Variants in SLC22A14 observed in about 807,000 individuals in gnomAD.
The protein encoded by SLC22A14 is solute carrier family 22 member 14.
Under a neutral mutation model 53.9 loss-of-function variants are expected in SLC22A14, and 50 were observed. That is an observed-to-expected ratio of 0.93 (90% CI 0.74 to 1.17). SLC22A14 has a LOEUF of 1.17. Among genes scored for constraint, SLC22A14 ranks in the 50% most tolerant of loss-of-function variants. The pLI, the probability that SLC22A14 is intolerant of heterozygous loss-of-function variation, is 0.00. For missense variants in SLC22A14, 671 were observed against 734.7 expected (o/e 0.91, Z 1.00); for synonymous variants, 312 against 303.0 (o/e 1.03, Z -0.31).
intron 1 of SLC22A14, among the ~76,000 whole-genome samples, chr3:38,303,488 T>TGTGA (rs1704217842): frequency 6.6e-6 from 1 of 152,078 alleles, no homozygotes. Flanking sequence ...CTTCTTTAAC[T>TGTGA]TGTATTCACA....
chr3:38,281,631 A>C (rs1302480456), upstream of SLC22A14, among the ~76,000 whole-genome samples: 2 of 152,230 alleles, frequency 1.3e-5, no homozygotes, highest in African/African-American at 4.8e-5. Flanking sequence ...TTAACAGATT[A>C]CACTCATGAC....
At chr3:38,289,685 C>T (rs577113495) in intron 1 of SLC22A14, among the ~76,000 whole-genome samples, 20 of 152,172 alleles carry the variant, frequency 1.3e-4, no homozygotes, top group Non-Finnish European at 2.8e-4. Flanking sequence ...GCCTTTAGCC[C>T]GATCCGGAGT....
At chr3:38,308,585 G>GA (rs1704379779) in intron 4 of SLC22A14, among the ~76,000 whole-genome samples, 1 of 152,240 alleles carries the variant, frequency 6.6e-6, no homozygotes, top group Non-Finnish European at 1.5e-5. Flanking sequence ...GCCAAAGCAC[G>GA]AATACACTCA....
At chr3:38,295,710 G>A (rs188392118) in intron 1 of SLC22A14, among the ~76,000 whole-genome samples, 45 of 149,746 alleles carry the variant, frequency 3.0e-4, no homozygotes, top group African/African-American at 4.7e-4. Context: ...TGACTCCCTC[G>A]TTGTCTCTCT....
intron 9 of SLC22A14, 54 bp from the exon 10 acceptor site, chr3:38,316,270 C>A: frequency 3.3e-6 from 5 of 1,530,950 alleles, no homozygotes; most frequent in Non-Finnish European, 4.5e-6. Flanking sequence ...GCTGGCCCTG[C>A]CCAGCCTCTG....
intron 8 of SLC22A14, 59 bp from the exon 9 acceptor site, chr3:38,315,499 A>G: frequency 6.5e-7 from 1 of 1,541,476 alleles, no homozygotes; most frequent in South Asian, 1.2e-5. Context: ...GGCTGTTCAG[A>G]TGCCTTCTGG....
intron 1 of SLC22A14, among the ~76,000 whole-genome samples, chr3:38,289,523 G>T (rs1455891025): frequency 6.6e-6 from 1 of 152,158 alleles, no homozygotes; most frequent in African/African-American, 2.4e-5. Flanking sequence ...TTGGCCTCAA[G>T]GATTCTAAGG....
intron 1 of SLC22A14, among the ~76,000 whole-genome samples, chr3:38,300,596 C>T (rs1434316223): frequency 6.6e-6 from 1 of 152,184 alleles, no homozygotes; most frequent in East Asian, 1.9e-4. Flanking sequence ...GAAGCCCTTA[C>T]TCCCCCAACA....
At chr3:38,296,551 T>C (rs76109085) in intron 1 of SLC22A14, among the ~76,000 whole-genome samples, 9,855 of 150,326 alleles carry the variant, frequency 0.066, 381 homozygotes, top group East Asian at 0.16. Flanking sequence ...AAAATGTTAC[T>C]GGGGGTCCTT....
At position 38,306,331 on chromosome 3, in the gene SLC22A14, G is replaced by A. The variant is rs1259789496; in HGVS notation, c.305G>A (p.Trp102Ter). The change falls in exon 2 of 11, where the codon TGG becomes TAG. Residue 102 changes from tryptophan to a stop codon, truncating the protein, a stop_gained. Coordinates refer to ENST00000448498, the MANE Select transcript of SLC22A14 (RefSeq NM_001320033.2). LOFTEE classifies it high-confidence loss of function. ...CAGAAGCCCTATTGCAATACCAGCT[G>A]GATCCTGGCAGTGGGCCCCCACCTG... is the stretch of plus-strand genomic sequence containing the variant. The part of the protein sequence containing the change: ...TAQKPYCNTS[W>*]ILAVGPHLSK... The A allele has an allele frequency of 6.2e-7, 1 of 1,614,148 alleles. No homozygotes were observed. Among genetic ancestry groups the A allele is most frequent in the Admixed American group, 1.7e-5 (1 of 60,020 alleles).
In SLC22A14 at chr3:38,313,785, AG is replaced by A. The variant is rs770217271; in HGVS notation, c.1223del (p.Ser408ThrfsTer35). ...CCTGAGAATGAGAGAGCTGGGCGTG[AG>A]CGTCCACTTCAGACACGTGGTCCCC... is the stretch of plus-strand genomic sequence containing the variant. ...LSLRMRELGVSVHFRHVVPSI... is the reference protein window; with the variant it reads ...LSLRMRELGVXVHFRHVVPSI... On this transcript the variant is annotated frameshift_variant, in exon 8 of 11. Coordinates refer to ENST00000448498, the MANE Select transcript of SLC22A14 (RefSeq NM_001320033.2). LOFTEE classifies it high-confidence loss of function. 6.2e-7 allele frequency: 1 copy of A among 1,609,166 alleles called. No individual in the cohort carries two copies. Among genetic ancestry groups the A allele is most frequent in the Non-Finnish European group, 8.5e-7 (1 of 1,177,858 alleles).
intron 1 of SLC22A14, among the ~76,000 whole-genome samples, chr3:38,295,368 A>AG: frequency 6.6e-6 from 1 of 152,258 alleles, no homozygotes. Flanking sequence ...GCTCACAATG[A>AG]GGTTTCCTCT....
intron 10 of SLC22A14, among the ~76,000 whole-genome samples, chr3:38,317,699 A>G (rs1187914717): frequency 2.6e-5 from 4 of 152,230 alleles, no homozygotes; most frequent in African/African-American, 9.6e-5. Flanking sequence ...CAGAGTAATA[A>G]CAATAGCTAA....
intron 1 of SLC22A14, among the ~76,000 whole-genome samples, chr3:38,298,423 CATCTATCTATCTATCTATCT>C (rs60379934): frequency 4.6e-4 from 67 of 146,380 alleles, no homozygotes; most frequent in Non-Finnish European, 4.1e-4. Context: ...CTTGCACACA[CATCTATCTATCTATCTATCT>C]ATCTATCTAT....
upstream of SLC22A14, among the ~76,000 whole-genome samples, chr3:38,279,789 G>GT (rs1703627560): frequency 6.6e-6 from 1 of 152,036 alleles, no homozygotes; most frequent in African/African-American, 2.4e-5. Context: ...CCCTGGTTGT[G>GT]TATCTCCTTG....
At chr3:38,317,256 T>G (rs1704648929) in intron 10 of SLC22A14, among the ~76,000 whole-genome samples, 1 of 151,966 alleles carries the variant, frequency 6.6e-6, no homozygotes. Context: ...CCTACCATCT[T>G]CCCCCTGCCC....
At chr3:38,301,197 CA>C (rs1361119067) in intron 1 of SLC22A14, among the ~76,000 whole-genome samples, 3 of 152,198 alleles carry the variant, frequency 2.0e-5, no homozygotes, top group African/African-American at 7.2e-5. Flanking sequence ...ATCACTCAAG[CA>C]GTCCTTTCTG....
At chr3:38,305,999 G>C in intron 1 of SLC22A14, 28 bp from the exon 2 acceptor site, 1 of 1,583,418 alleles carries the variant, frequency 6.3e-7, no homozygotes, top group Non-Finnish European at 8.6e-7. Flanking sequence ...TGTCAGCAGA[G>C]ACTGAGCTGC....
rs114564303 is a variant in SLC22A14, at chr3:38,311,004, C to T, written c.944+1882C>T. On this transcript the variant is annotated intron_variant, in intron 5 of 10. Transcript: ENST00000448498. ...TGTCTGGAATACCAGGACAAGCCCC[C>T]ATGTTTCTGAATTAGCAAGTTCCAG... Among the ~76,000 whole-genome samples, 536 of 152,314 alleles carry T rather than the reference C, an allele frequency of 3.5e-3. 4 individuals are homozygous for T. Among genetic ancestry groups the T allele is most frequent in the Admixed American group, 5.8e-3 (89 of 15,290 alleles).
Sources: gnomAD v4.1 joint callset for allele counts (sites outside exome capture counted in the v4.1 genomes callset) on GRCh38, gnomAD v4.1.1 for gene constraint, MANE v1.5 for transcripts, NCBI Gene and HGNC (gene_info 2026-07-23, HGNC 2026-07-21) for gene names.